Variants in ARHGEF28 observed in about 807,000 individuals in gnomAD.
ARHGEF28 encodes Rho guanine nucleotide exchange factor 28.
ARHGEF28 carries 152 observed loss-of-function variants against 206.6 expected under a neutral mutation model. That is an observed-to-expected ratio of 0.74 (90% CI 0.64 to 0.84). ARHGEF28 has a LOEUF of 0.84. ARHGEF28 is among the 40% of genes least tolerant of loss of function. ARHGEF28 has a pLI of 0.00. For missense variants in ARHGEF28, 2,028 were observed against 2,073.2 expected (o/e 0.98, Z 0.42); for synonymous variants, 763 against 776.4 (o/e 0.98, Z 0.29).
At chr5:73,633,405 A>G (rs1743490062) in intron 1 of ARHGEF28, among the ~76,000 whole-genome samples, 1 of 152,028 alleles carries the variant, frequency 6.6e-6, no homozygotes, top group Non-Finnish European at 1.5e-5. Context: ...GGGGAGACTC[A>G]TGGCCTGCTG....
intron 30 of ARHGEF28, 60 bp from the exon 31 acceptor site, chr5:73,901,124 G>A (rs1762243459): frequency 1.4e-6 from 2 of 1,406,534 alleles, no homozygotes; most frequent in East Asian, 2.4e-5. Context: ...GAAGAACCCG[G>A]TGGGCTGGCC....
intron 7 of ARHGEF28, among the ~76,000 whole-genome samples, chr5:73,789,186 T>TC (rs1362960976): frequency 1.3e-5 from 2 of 152,162 alleles, no homozygotes; most frequent in Admixed American, 6.5e-5. Context: ...TATCTACCTA[T>TC]CTATCTAATG....
At chr5:73,702,382 A>T (rs144540813) in intron 2 of ARHGEF28, among the ~76,000 whole-genome samples, 1 of 152,170 alleles carries the variant, frequency 6.6e-6, no homozygotes, top group Non-Finnish European at 1.5e-5. Context: ...GAACTTTTCC[A>T]TCTTCTCCAG....
At chr5:73,754,432 T>C (rs1482051312) in intron 4 of ARHGEF28, among the ~76,000 whole-genome samples, 1 of 152,130 alleles carries the variant, frequency 6.6e-6, no homozygotes, top group African/African-American at 2.4e-5. Flanking sequence ...TGGTGGCTAA[T>C]TGATACGTAT....
chr5:73,645,517 C>T (rs1177273083), intron 1 of ARHGEF28, among the ~76,000 whole-genome samples: 2 of 152,152 alleles, frequency 1.3e-5, no homozygotes, highest in African/African-American at 2.4e-5. Context: ...GAATTTCCAT[C>T]TCCCTTGACT....
chr5:73,829,886 G>A (rs1425776987), intron 9 of ARHGEF28, among the ~76,000 whole-genome samples: 1 of 152,184 alleles, frequency 6.6e-6, no homozygotes, highest in Non-Finnish European at 1.5e-5. Context: ...GAATTTGGTA[G>A]AAGAATGAGA....
chr5:73,923,634 A>G (rs554982031), intron 35 of ARHGEF28, among the ~76,000 whole-genome samples: 1 of 152,308 alleles, frequency 6.6e-6, no homozygotes, highest in East Asian at 1.9e-4. Flanking sequence ...CACCCCCTCT[A>G]CCATAGGATA....
chr5:73,825,424 A>T (rs1314020508), intron 9 of ARHGEF28, among the ~76,000 whole-genome samples: 9 of 152,140 alleles, frequency 5.9e-5, no homozygotes, highest in Admixed American at 5.9e-4. Flanking sequence ...GGGCTGGAGT[A>T]GAGTAGTGGG....
Position 73,718,852 on chromosome 5 carries a change from G to A in ARHGEF28, c.34-30985G>A, listed in dbSNP as rs566306785. Among the ~76,000 whole-genome samples, 10 of 152,238 alleles carry A rather than the reference G, an allele frequency of 6.6e-5. No homozygotes were observed. In the South Asian group the frequency reaches 1.2e-3, roughly 19 times the overall value. On this transcript the variant is annotated intron_variant, in intron 2 of 35. Transcript: ENST00000513042. ...AGGGACTTCTGGTCCCATCCACACC[G>A]CACTAGAACTGAAGCTGGCTAGGGA...
chr5:73,677,205 T>G (rs960500185), intron 1 of ARHGEF28, among the ~76,000 whole-genome samples: 12 of 152,204 alleles, frequency 7.9e-5, no homozygotes, highest in African/African-American at 2.9e-4. Flanking sequence ...GTTCAGTTCA[T>G]TTTTTGAGTA....
chr5:73,799,946 T>G (rs969323283), intron 9 of ARHGEF28, among the ~76,000 whole-genome samples: 1 of 152,112 alleles, frequency 6.6e-6, no homozygotes, highest in Non-Finnish European at 1.5e-5. Context: ...GAGAGTGGGC[T>G]TGGCGCAAGT....
chr5:73,764,393 A>C (rs1376671038), intron 4 of ARHGEF28, among the ~76,000 whole-genome samples: 1 of 152,198 alleles, frequency 6.6e-6, no homozygotes, highest in Non-Finnish European at 1.5e-5. Context: ...TCTGATGAAG[A>C]CTTTTTAAAG....
At chr5:73,697,788 T>C (rs1391299453) in intron 2 of ARHGEF28, among the ~76,000 whole-genome samples, 1 of 152,206 alleles carries the variant, frequency 6.6e-6, no homozygotes, top group African/African-American at 2.4e-5. Context: ...CCTTAGTTGA[T>C]TAGAGCATCT....
At chr5:73,841,459 A>C (rs1397876051) in intron 11 of ARHGEF28, among the ~76,000 whole-genome samples, 2 of 152,166 alleles carry the variant, frequency 1.3e-5, no homozygotes, top group African/African-American at 2.4e-5. Flanking sequence ...TAATTCCAGC[A>C]CTTTGGGAGG....
chr5:73,679,398 C>G (rs1017032709), intron 1 of ARHGEF28, among the ~76,000 whole-genome samples: 10 of 152,034 alleles, frequency 6.6e-5, no homozygotes, highest in African/African-American at 2.2e-4. Flanking sequence ...AAAATCCTGA[C>G]TCTACTAAAA....
At position 73,857,643 on chromosome 5, in the gene ARHGEF28, T is replaced by A; in HGVS notation, c.1791-13T>A. On this transcript the variant is annotated splice_polypyrimidine_tract_variant and intron_variant, in intron 14 of 35. Transcript: ENST00000513042. ...AGTCATATGAGCCATGATAACAGAT[T>A]CTGTTTTTGTAGAATTCAGGAAGAA... The A allele has an allele frequency of 6.4e-7, 1 of 1,558,408 alleles. No individual in the cohort carries two copies. The highest frequency in any genetic ancestry group is 8.7e-7 in the Non-Finnish European group (1 of 1,150,410).
At chr5:73,802,801 A>G (rs1375202953) in intron 9 of ARHGEF28, among the ~76,000 whole-genome samples, 2 of 151,442 alleles carry the variant, frequency 1.3e-5, no homozygotes, top group African/African-American at 4.9e-5. Context: ...CAGAATACCC[A>G]TGTATATAGG....
chr5:73,733,785 A>C (rs1418362730), intron 2 of ARHGEF28, among the ~76,000 whole-genome samples: 1 of 152,124 alleles, frequency 6.6e-6, no homozygotes, highest in Non-Finnish European at 1.5e-5. Context: ...AATATCTCAG[A>C]GTGGGTAATA....
intron 2 of ARHGEF28, among the ~76,000 whole-genome samples, chr5:73,699,521 A>C (rs1748462253): frequency 6.6e-6 from 1 of 152,110 alleles, no homozygotes; most frequent in Non-Finnish European, 1.5e-5. Context: ...GTTGCCAAAG[A>C]CTTTTGTGCC....
Sources: allele counts gnomAD v4.1 joint callset (sites outside exome capture counted in the v4.1 genomes callset), GRCh38; gene constraint gnomAD v4.1.1; transcripts MANE v1.5; gene names NCBI Gene and HGNC (gene_info 2026-07-23, HGNC 2026-07-21).